The following ABLIM1 variants were observed in gnomAD, a reference collection of about 807,000 sequenced individuals.
The protein encoded by ABLIM1 is actin binding LIM protein 1, also known as actin-binding LIM protein 1.
A neutral mutation model predicts 107.0 loss-of-function variants in ABLIM1; 40 were observed. The ratio of observed to expected loss-of-function variants is 0.37; its 90% CI spans 0.29 to 0.49. The LOEUF (loss-of-function observed/expected upper bound fraction) is 0.49. Ranked by LOEUF, ABLIM1 falls within the 20% of genes least tolerant of loss-of-function variation. ABLIM1 has a pLI of 0.97. For missense variants in ABLIM1, 857 were observed against 1,008.5 expected (o/e 0.85, Z 2.04); for synonymous variants, 357 against 357.3 (o/e 1.00, Z 0.01).
In ABLIM1 at chr10:114,516,956, C is replaced by T. The variant is rs563266809; in HGVS notation, c.895-25078G>A. Among the ~76,000 whole-genome samples, 42 of 152,228 alleles carry T rather than the reference C, an allele frequency of 2.8e-4. No homozygotes were observed. In the South Asian group the frequency reaches 5.4e-3, roughly 20 times the overall value. On this transcript the variant is annotated intron_variant, in intron 6 of 22. Coordinates refer to ENST00000533213, the MANE Select transcript of ABLIM1 (RefSeq NM_002313.7). Reference sequence around the variant, plus strand: ...CTGGCTGGTGCTTTTCTGGGACCTGCGATTAACTAATAGTAGATGCCATTC... The same window carrying T: ...CTGGCTGGTGCTTTTCTGGGACCTGTGATTAACTAATAGTAGATGCCATTC...
intron 1 of ABLIM1, among the ~76,000 whole-genome samples, chr10:114,649,230 CT>C (rs1239399775): frequency 6.6e-6 from 1 of 151,772 alleles, no homozygotes; most frequent in Non-Finnish European, 1.5e-5. Context: ...GAAACCCCAT[CT>C]CTACTAAAAA....
At chr10:114,749,443 A>ACTCACAC (rs2082459027) in intron 1 of ABLIM1, among the ~76,000 whole-genome samples, 2 of 109,596 alleles carry the variant, frequency 1.8e-5, no homozygotes, top group Non-Finnish European at 3.8e-5. Flanking sequence ...TTAAAACAAC[A>ACTCACAC]CACACACCAC....
intron 1 of ABLIM1, among the ~76,000 whole-genome samples, chr10:114,699,601 T>A (rs1479855480): frequency 6.6e-6 from 1 of 151,928 alleles, no homozygotes; most frequent in Non-Finnish European, 1.5e-5. Context: ...TTATGTAGAG[T>A]CAGATAAAAA....
chr10:114,553,341 A>G (rs2068313092), intron 4 of ABLIM1, among the ~76,000 whole-genome samples: 1 of 152,210 alleles, frequency 6.6e-6, no homozygotes, highest in Non-Finnish European at 1.5e-5. Context: ...AGAATACAGA[A>G]TGGGACTTTT....
chr10:114,583,618 G>C (rs2073866582), intron 2 of ABLIM1, among the ~76,000 whole-genome samples: 1 of 150,634 alleles, frequency 6.6e-6, no homozygotes, highest in East Asian at 2.0e-4. Flanking sequence ...ACCATCACTG[G>C]GGATATAGCC....
chr10:114,683,150 G>C (rs1413056079), intron 1 of ABLIM1, among the ~76,000 whole-genome samples: 1 of 152,204 alleles, frequency 6.6e-6, no homozygotes, highest in Admixed American at 6.5e-5. Context: ...GAATGTCAAA[G>C]AATCTTGTGT....
chr10:114,670,505 T>C (rs760266624), intron 1 of ABLIM1, among the ~76,000 whole-genome samples: 48 of 152,230 alleles, frequency 3.2e-4, no homozygotes, highest in Non-Finnish European at 7.3e-5. Flanking sequence ...TTTTTTGTTT[T>C]TTGTCTGTTT....
intron 1 of ABLIM1, among the ~76,000 whole-genome samples, chr10:114,703,922 A>G (rs1275142200): frequency 6.6e-6 from 1 of 152,148 alleles, no homozygotes; most frequent in Non-Finnish European, 1.5e-5. Context: ...TTCAGCATCA[A>G]TGTAAAGGAG....
At position 114,757,335 on chromosome 10, in the gene ABLIM1, G is replaced by A. The variant is rs537375869; in HGVS notation, c.-213+10726C>T. 6.4e-4 allele frequency among the ~76,000 whole-genome samples: 97 copies of A among 152,252 alleles called. 3 individuals carry two copies. The South Asian group carries it at 0.019, about 30-fold the overall frequency. On this transcript the variant is annotated intron_variant, in intron 1 of 15. Coordinates refer to the ABLIM1 transcript ENST00000651092. The stretch of plus-strand genomic sequence containing the variant: ...TTAGCTAGATGATGATCTCAGGCAA[G>A]TTTCTTCATTTCTCTATGTCTCATT...
At chr10:114,746,201 A>G (rs1168124362) in intron 1 of ABLIM1, among the ~76,000 whole-genome samples, 1 of 152,106 alleles carries the variant, frequency 6.6e-6, no homozygotes, top group African/African-American at 2.4e-5. Context: ...AAAAAATCCA[A>G]CTGAGGCTTT....
intron 1 of ABLIM1, among the ~76,000 whole-genome samples, chr10:114,762,474 A>G (rs1233199835): frequency 6.6e-6 from 1 of 152,256 alleles, no homozygotes; most frequent in African/African-American, 2.4e-5. Context: ...ATCAATAAAA[A>G]TCTATGTCCC....
the ABLIM1 span, among the ~76,000 whole-genome samples, chr10:114,774,458 GC>G: frequency 3.1e-3 from 466 of 152,294 alleles, 1 homozygote; most frequent in African/African-American, 0.011. Flanking sequence ...TGGGATAAGT[GC>G]CCAGAGGAAA....
At position 114,750,074 on chromosome 10, in the gene ABLIM1, T is replaced by A. The variant is rs1376925702; in HGVS notation, c.-213+17987A>T. On this transcript the variant is annotated intron_variant, in intron 1 of 15. Transcript: ENST00000651092. ...CCTAGAAACTTCCACTGGCAAGGAT[T>A]TTTTTTTAAAAATCTGTTGTGTGCA... Among the ~76,000 whole-genome samples, 5 of 152,198 alleles carry A rather than the reference T, an allele frequency of 3.3e-5. No homozygotes were observed. In the East Asian group the frequency reaches 9.6e-4, roughly 29 times the overall value.
intron 1 of ABLIM1, among the ~76,000 whole-genome samples, chr10:114,651,849 A>T (rs1436758330): frequency 1.3e-5 from 2 of 152,222 alleles, no homozygotes; most frequent in African/African-American, 2.4e-5. Flanking sequence ...GGGGGGAACC[A>T]TATCCCATCA....
At chr10:114,564,585 T>C (rs1400001879) in intron 4 of ABLIM1, among the ~76,000 whole-genome samples, 2 of 152,144 alleles carry the variant, frequency 1.3e-5, no homozygotes, top group Non-Finnish European at 2.9e-5. Flanking sequence ...ACATAGGTTT[T>C]ACAGGTCCCC....
chr10:114,635,649 C>T (rs996793709), intron 1 of ABLIM1, among the ~76,000 whole-genome samples: 19 of 152,200 alleles, frequency 1.2e-4, no homozygotes, highest in African/African-American at 4.1e-4. Flanking sequence ...TTCAGCCTCC[C>T]GAGTAGCTGG....
the ABLIM1 span, among the ~76,000 whole-genome samples, chr10:114,801,217 C>A: frequency 6.6e-6 from 1 of 151,970 alleles, no homozygotes. Context: ...AGTCCTAGAC[C>A]AGCCTGGACA....
the ABLIM1 span, among the ~76,000 whole-genome samples, chr10:114,788,192 C>A: frequency 3.3e-5 from 5 of 150,688 alleles, no homozygotes; most frequent in African/African-American, 1.2e-4. Flanking sequence ...ACAAACACTG[C>A]GGAAGGCTGC....
In ABLIM1 at chr10:114,436,027, G is replaced by C. The variant is rs948780968; in HGVS notation, c.*233C>G. 1.9e-6 allele frequency: 1 copy of C among 523,750 alleles called. No homozygotes were observed. The highest frequency in any genetic ancestry group is 3.4e-6 in the Non-Finnish European group (1 of 292,168). The allele number at this position is 523,750 out of a possible 1,614,324, so 32.4% of individuals were successfully genotyped here. ...AGGTAATGTGAAAAGCTCACATGTG[G>C]ACACTACTCTGTGTTTCGGAACATA... On this transcript the variant is annotated 3_prime_UTR_variant, in exon 23 of 23. Transcript: ENST00000533213.
Sources: allele counts gnomAD v4.1 joint callset (sites outside exome capture counted in the v4.1 genomes callset), GRCh38; gene constraint gnomAD v4.1.1; transcripts MANE v1.5; gene names NCBI Gene and HGNC (gene_info 2026-07-23, HGNC 2026-07-21).